The following FAT2 variants were observed in gnomAD, a reference collection of about 807,000 sequenced individuals.
FAT2 encodes the protein FAT atypical cadherin 2.
A neutral mutation model predicts 295.3 loss-of-function variants in FAT2; 150 were observed. The ratio of observed to expected loss-of-function variants is 0.51; its 90% CI spans 0.44 to 0.58. The LOEUF (loss-of-function observed/expected upper bound fraction) is 0.58. Among genes scored for constraint, FAT2 ranks in the 20% least tolerant of loss-of-function variants. The pLI is 0.00. For missense variants in FAT2, 4,868 were observed against 5,442.7 expected, an observed-to-expected ratio of 0.89 and a Z score of 3.32; for synonymous variants, 2,026 against 2,150.3, an observed-to-expected ratio of 0.94 and a Z score of 1.60.
chr5:151,537,319 G>GAA (rs5872214), intron 12 of FAT2, among the ~76,000 whole-genome samples: 37,190 of 82,260 alleles, frequency 0.45, 5,681 homozygotes, highest in South Asian at 0.59. Context: ...GAAAAAGAAA[G>GAA]AGAAAAAAAG....
chr5:151,528,080 G>T lies in FAT2; in HGVS notation c.10080C>A (p.Leu3360=), dbSNP rs1162158853. 1 of 1,614,192 alleles carries T rather than the reference G, an allele frequency of 6.2e-7. No homozygotes were observed. ...AGTGCCCAAGCTGGTTCCCTCCTAT[G>T]AGGCTATAGGTAATGTCACTATTTA... The part of the protein sequence containing the change: ...GPLNSDITYS[L]IGGNQLGHFT... The change falls in exon 16 of 24, where the codon CTC becomes CTA. Residue 3360 remains leucine, a synonymous_variant. Coordinates refer to ENST00000261800, the MANE Select transcript of FAT2 (RefSeq NM_001447.3).
At chr5:151,564,662 A>T (rs1223168215) in intron 2 of FAT2, among the ~76,000 whole-genome samples, 2 of 152,236 alleles carry the variant, frequency 1.3e-5, no homozygotes, top group Admixed American at 1.3e-4. Context: ...ACTTACACTT[A>T]CTTTCCTTGA....
At position 151,566,466 on chromosome 5, in the gene FAT2, G is replaced by T; in HGVS notation, c.2466C>A (p.Pro822=). The T allele has an allele frequency of 6.2e-7, 1 of 1,613,508 alleles. No homozygotes were observed. Among genetic ancestry groups the T allele is most frequent in the Admixed American group, 1.7e-5 (1 of 59,992 alleles). ...CCGAGATGGTTAACTGGTACCCACC[G>T]GGAGGAAATCTGGGTGCGTTGTCAT... The part of the protein sequence containing the change: ...DWNDNAPRFP[P]GGYQLTISED... The change falls in exon 2 of 24, where the codon CCC becomes CCA. Residue 822 remains proline (P), a synonymous_variant. Transcript: ENST00000261800.
At chr5:151,517,532 T>G in intron 20 of FAT2, 88 bp downstream of exon 20, 1 of 1,503,434 alleles carries the variant, frequency 6.7e-7, no homozygotes. Context: ...TTGGCAGAAA[T>G]GGGCTTCCTG....
chr5:151,552,961 G>A lies in FAT2; in HGVS notation c.4156+216C>T, dbSNP rs78188728. Among the ~76,000 whole-genome samples, 776 of 152,334 alleles carry A rather than the reference G, an allele frequency of 5.1e-3. 7 individuals carry two copies. The highest frequency in any genetic ancestry group is 0.018 in the African/African-American group (751 of 41,578). Reference sequence around the variant, plus strand: ...CCAACTCTGGCTGGGGTTAGAGATCGTGGCTGGAGTGAAAGGAAAGCTTGG... The same window carrying A: ...CCAACTCTGGCTGGGGTTAGAGATCATGGCTGGAGTGAAAGGAAAGCTTGG... On this transcript the variant is annotated intron_variant, in intron 6 of 23. Coordinates refer to ENST00000261800, the MANE Select transcript of FAT2 (RefSeq NM_001447.3).
intron 3 of FAT2, among the ~76,000 whole-genome samples, chr5:151,562,912 T>C (rs369752599): frequency 2.0e-5 from 3 of 152,080 alleles, no homozygotes; most frequent in East Asian, 3.9e-4. Flanking sequence ...AGTCTGGAAC[T>C]AGGGTTAAGG....
intron 23 of FAT2, 118 bp from the exon 24 acceptor site, chr5:151,506,215 C>CGA: frequency 9.3e-7 from 1 of 1,078,896 alleles, no homozygotes; most frequent in Non-Finnish European, 1.3e-6. Context: ...TGGGCATAGG[C>CGA]CCATCTGTGC....
rs1300602330 is a variant in FAT2 at position 151,565,666 on chromosome 5, C to G, written c.3259+7G>C. 1 of 1,576,306 alleles carries G rather than the reference C, an allele frequency of 6.3e-7. No individual in the cohort carries two copies. The highest frequency in any genetic ancestry group is 8.6e-7 in the Non-Finnish European group (1 of 1,158,418). On this transcript the variant is annotated splice_region_variant and intron_variant, in intron 2 of 23. Transcript: ENST00000261800. ...CCTGGCACCCCACCCTACCCCACCCCCAGTACCTGTATCTTGGTTGATGCT... is the reference window on the plus strand; with the variant it reads ...CCTGGCACCCCACCCTACCCCACCCGCAGTACCTGTATCTTGGTTGATGCT...
In FAT2 at chr5:151,565,812, C is replaced by A. The variant is rs940896957; in HGVS notation, c.3120G>T (p.Gln1040His). The A allele has an allele frequency of 1.9e-6, 3 of 1,614,058 alleles. No individual in the cohort carries two copies. The African/African-American group carries it at 4.0e-5, about 22-fold the overall frequency. Reference protein sequence around the residue: ...PHFASFVHQGQVQENSPSGTQ... With the variant: ...PHFASFVHQGHVQENSPSGTQ... ...TTCCCGAGGGGCTGTTCTCCTGCAC[C>A]TGGCCCTGGTGCACGAAGGAGGCAA... The change falls in exon 2 of 24, where the codon CAG becomes CAT. Residue 1040 changes from glutamine to histidine, a missense_variant. This residue lies in a region of FAT2 where 3,297 missense variants were observed against 3,669.4 expected (regional missense o/e 0.90). Transcript: ENST00000261800.
At position 151,545,753 on chromosome 5, in the gene FAT2, T is replaced by C. The variant is rs370122086; in HGVS notation, c.5374A>G (p.Ser1792Gly). ...NNPFVIHASD[S>G]DKEANSLLVY... ...AACAAGGAATTAGCTTCTTTGTCAC[T>C]GTCAGAGGCATGAATCACAAAGGGG... Residue 1792 changes from serine (S) to glycine (G), a missense_variant, in exon 10 of 24, where the codon AGT becomes GGT. Ser to Gly is a moderately conservative substitution (Grantham distance 56). Around this residue, in one of 5 missense-constraint regions of FAT2, gnomAD observed 3,297 missense variants for 3,669.4 expected, o/e 0.90. Transcript: ENST00000261800. 1.2e-6 allele frequency: 2 copies of C among 1,614,040 alleles called. No homozygotes were observed. Among genetic ancestry groups the C allele is most frequent in the Non-Finnish European group, 1.7e-6 (2 of 1,180,032 alleles).
rs779792170 is a variant in FAT2, at chr5:151,556,240, C to T, written c.3633+104G>A. 4 of 949,752 alleles carry T rather than the reference C, an allele frequency of 4.2e-6. No individual in the cohort carries two copies. In the South Asian group the frequency reaches 5.3e-5, roughly 12 times the overall value. The allele number at this position is 949,752 out of a possible 1,614,324, so 58.8% of individuals were successfully genotyped here. A position where few individuals can be genotyped will look rare whatever the true frequency, so the allele number is the denominator to read the frequency against. ...GTTCAGCTCACGTATATCTTCCTCC[C>T]TGAACCCAGACCCTCCTCAGCCACA... On this transcript the variant is annotated intron_variant, in intron 4 of 23. Transcript: ENST00000261800.
rs1757117371 is a variant in FAT2, at chr5:151,550,708, C to T, written c.4460G>A (p.Gly1487Asp). The T allele has an allele frequency of 1.9e-6, 3 of 1,614,170 alleles. No homozygotes were observed. In the South Asian group the frequency reaches 3.3e-5, roughly 18 times the overall value. Residue 1487 changes from glycine (G) to aspartate (D), a missense_variant, in exon 8 of 24, where the codon GGC (glycine) becomes GAC (aspartate). Transcript: ENST00000261800. ...KGKSLIYTIH[G>D]SQDPGSASLF... is the part of the protein sequence containing the mutation. ...GCTGGCACTTCCTGGGTCTTGGCTG[C>T]CATGTATGGTATAGATGAGGCTTTT... is the stretch of plus-strand genomic sequence containing the variant.
chr5:151,507,383 T>C lies in FAT2; in HGVS notation c.12288A>G (p.Gln4096=). ...LLARSVGVDT[Q]AMPAIELNPL... is the part of the protein sequence containing the mutation. The stretch of plus-strand genomic sequence containing the variant: ...GGTTGAGCTCGATGGCAGGCATGGC[T>C]TGGGTGTCAACACCAACACTCCTGG... Residue 4096 remains glutamine (Q), a synonymous_variant, in exon 23 of 24, where the codon CAA becomes CAG. Coordinates refer to ENST00000261800, the MANE Select transcript of FAT2 (RefSeq NM_001447.3). The C allele has an allele frequency of 6.2e-7, 1 of 1,614,188 alleles. No homozygotes were observed. The highest frequency in any genetic ancestry group is 1.1e-5 in the South Asian group (1 of 91,074).
chr5:151,539,030 G>A (rs1478457511), intron 11 of FAT2, among the ~76,000 whole-genome samples: 1 of 152,048 alleles, frequency 6.6e-6, no homozygotes, highest in Non-Finnish European at 1.5e-5. Flanking sequence ...TAGTGATGCT[G>A]TGAACCATCT....
At chr5:151,573,976 C>T (rs1758644147) in intron 1 of FAT2, among the ~76,000 whole-genome samples, 2 of 152,244 alleles carry the variant, frequency 1.3e-5, no homozygotes, top group East Asian at 3.9e-4. Flanking sequence ...GATATTTGTC[C>T]TTGGGGGAGA....
rs2127631136 is a variant in FAT2 at position 151,554,550 on chromosome 5, C to G, written c.3757G>C (p.Glu1253Gln). Residue 1253 changes from glutamate (E) to glutamine (Q), a missense_variant, in exon 5 of 24, where the codon GAG becomes CAG. Glu to Gln is a conservative substitution (Grantham distance 29). This residue lies in a region of FAT2 where 3,297 missense variants were observed against 3,669.4 expected (regional missense o/e 0.90). Transcript: ENST00000261800. ...SHKLFNVRLP[E>Q]RLSPVSPGPV... ...CCAGGGGACACAGGGCTCAGCCTCT[C>G]TGGAAGGCGGACATTGAAGAGCTTG... The G allele has an allele frequency of 6.2e-7, 1 of 1,614,208 alleles. No individual in the cohort carries two copies.
At chr5:151,517,566 A>G (rs1290517524) in intron 20 of FAT2, 54 bp downstream of exon 20, 2 of 1,606,736 alleles carry the variant, frequency 1.2e-6, no homozygotes, top group Non-Finnish European at 1.7e-6. Flanking sequence ...CTCACCCCCT[A>G]CCTCCCCAGC....
At position 151,551,561 on chromosome 5, in the gene FAT2, C is replaced by T. The variant is rs1041727079; in HGVS notation, c.4202G>A (p.Ser1401Asn). The change falls in exon 7 of 24, where the codon AGC (serine) becomes AAC (asparagine). Residue 1401 changes from serine to asparagine, a missense_variant. Transcript: ENST00000261800. ...ATCAAGAGGCCTGGCAATGACGATG[C>T]TGCCTGTGGTCTTCTCAATGTCAAA... ...MDFDIEKTTGSIVIARPLDTR... is the reference protein window; with the variant it reads ...MDFDIEKTTGNIVIARPLDTR... 3 of 1,614,236 alleles carry T rather than the reference C, an allele frequency of 1.9e-6. No individual in the cohort carries two copies. The highest frequency in any genetic ancestry group is 2.5e-6 in the Non-Finnish European group (3 of 1,180,024).
chr5:151,559,385 G>A (rs1757921825), intron 3 of FAT2, among the ~76,000 whole-genome samples: 1 of 152,132 alleles, frequency 6.6e-6, no homozygotes, highest in African/African-American at 2.4e-5. Flanking sequence ...AGGAGGGTCT[G>A]GATACTGTCC....
Sources: gnomAD v4.1 joint callset for allele counts (sites outside exome capture counted in the v4.1 genomes callset) on GRCh38, gnomAD v4.1.1 for gene constraint, gnomAD v4.1.1 regional missense constraint, MANE v1.5 for transcripts, NCBI Gene and HGNC (gene_info 2026-07-23, HGNC 2026-07-21) for gene names.